SNX14: variants seen among roughly 807,000 people sequenced by gnomAD.
SNX14 encodes sorting nexin-14.
SNX14 carries 93 observed loss-of-function variants against 133.8 expected under a neutral mutation model. That is an observed-to-expected ratio of 0.70 (90% CI 0.59 to 0.83). SNX14 has a LOEUF of 0.83. Among genes scored for constraint, SNX14 ranks in the 40% least tolerant of loss-of-function variants. The pLI is 0.00. For synonymous variants in SNX14, 368 were observed against 365.6 expected, an observed-to-expected ratio of 1.01 and a Z score of -0.07; for missense variants, 945 against 1,094.9, an observed-to-expected ratio of 0.86 and a Z score of 1.93.
intron 21 of SNX14, among the ~76,000 whole-genome samples, chr6:85,524,785 GA>G (rs397885760): frequency 0.15 from 13,242 of 88,190 alleles, 975 homozygotes; most frequent in East Asian, 0.29. Flanking sequence ...TTCCATCACA[GA>G]AAAAAAAAAA....
At position 85,533,612 on chromosome 6, in the gene SNX14, A is replaced by G. The variant is rs1780945353; in HGVS notation, c.1797T>C (p.Asn599=). Residue 599 remains asparagine (N), a synonymous_variant, in exon 18 of 29, where the codon AAT becomes AAC. Transcript: ENST00000314673. ...IPVFCIDVER[N]DRRAVGHEPE... Reference sequence around the variant, plus strand: ...AAAGCTTCCTACCTGCTCTTCTATCATTTCTTTCAACATCAATACAAAACA... The same window carrying G: ...AAAGCTTCCTACCTGCTCTTCTATCGTTTCTTTCAACATCAATACAAAACA... The G allele has an allele frequency of 6.2e-7, 1 of 1,612,788 alleles. No homozygotes were observed. The highest frequency in any genetic ancestry group is 1.3e-5 in the African/African-American group (1 of 74,808).
chr6:85,585,457 G>GA, intron 1 of SNX14, among the ~76,000 whole-genome samples: 1 of 151,558 alleles, frequency 6.6e-6, no homozygotes, highest in Non-Finnish European at 1.5e-5. Flanking sequence ...AACTTGGGGG[G>GA]AAAAACAATA....
Position 85,530,149 on chromosome 6 carries a change from C to T in SNX14, c.1894+43G>A, listed in dbSNP as rs141089317. The T allele has an allele frequency of 1.7e-3, 2,129 of 1,220,808 alleles. 28 individuals carry two copies. The African/African-American group carries it at 0.027, about 15-fold the overall frequency. 75.6% of individuals were successfully genotyped at this position (1,220,808 alleles called of 1,614,324 possible). On this transcript the variant is annotated intron_variant, in intron 19 of 28. Coordinates refer to ENST00000314673, the MANE Select transcript of SNX14 (RefSeq NM_153816.6). Reference sequence around the variant, plus strand: ...TCTGGTGTCATAGTTTTAAAGAATGCTAATGCTGAAATGTAATGTTTTATC... The same window carrying T: ...TCTGGTGTCATAGTTTTAAAGAATGTTAATGCTGAAATGTAATGTTTTATC...
At chr6:85,589,017 A>G (rs1212341246) in intron 1 of SNX14, 1 of 399,872 alleles carries the variant, frequency 2.5e-6, no homozygotes, top group East Asian at 7.1e-5. Context: ...TCGACTTTAT[A>G]GAAGTACATC....
intron 1 of SNX14, among the ~76,000 whole-genome samples, chr6:85,577,878 A>T (rs1294420854): frequency 6.6e-6 from 1 of 152,248 alleles, no homozygotes; most frequent in East Asian, 1.9e-4. Flanking sequence ...AGAGGTGTCC[A>T]TTAGTTTTCA....
intron 1 of SNX14, among the ~76,000 whole-genome samples, chr6:85,578,607 G>A (rs957442468): frequency 6.6e-6 from 1 of 152,206 alleles, no homozygotes; most frequent in African/African-American, 2.4e-5. Flanking sequence ...TAGAATGGAA[G>A]GGATGGAGTT....
At chr6:85,534,046 G>A (rs1039457044) in intron 17 of SNX14, among the ~76,000 whole-genome samples, 5 of 152,156 alleles carry the variant, frequency 3.3e-5, no homozygotes, top group Admixed American at 6.5e-5. Context: ...CGGGGACAGC[G>A]CCTATAATCC....
At position 85,526,136 on chromosome 6, in the gene SNX14, A is replaced by G. The variant is rs760104267; in HGVS notation, c.2097T>C (p.Asp699=). The G allele has an allele frequency of 1.3e-6, 2 of 1,568,966 alleles. No individual in the cohort carries two copies. Among genetic ancestry groups the G allele is most frequent in the Non-Finnish European group, 1.7e-6 (2 of 1,152,462 alleles). Residue 699 remains aspartate (D), a synonymous_variant, in exon 21 of 29, where the codon GAT becomes GAC. Transcript: ENST00000314673. ...ETQFLDKILP[D]VNLGKIIKSV... is the part of the protein sequence containing the mutation. ...TTTAAATTGACTTACCAAGATTTACATCTGGTAGTATCTTATCAAGAAATT... is the reference window on the plus strand; with the variant it reads ...TTTAAATTGACTTACCAAGATTTACGTCTGGTAGTATCTTATCAAGAAATT...
intron 21 of SNX14, among the ~76,000 whole-genome samples, chr6:85,525,246 T>A (rs1361784172): frequency 3.3e-5 from 5 of 152,134 alleles, no homozygotes; most frequent in Admixed American, 6.6e-5. Flanking sequence ...ATTAATATTT[T>A]AAAAAATAGA....
intron 6 of SNX14, among the ~76,000 whole-genome samples, chr6:85,560,144 A>C (rs1791056123): frequency 6.6e-6 from 1 of 152,200 alleles, no homozygotes; most frequent in Admixed American, 6.5e-5. Flanking sequence ...GTATATACCC[A>C]AGATAAGTGA....
chr6:85,565,306 C>T, intron 6 of SNX14, 26 bp downstream of exon 6: 3 of 1,466,972 alleles, frequency 2.0e-6, no homozygotes, highest in Non-Finnish European at 2.8e-6. Context: ...CCCCAAATTC[C>T]CAAATTTCTC....
chr6:85,563,685 G>C (rs979584098), intron 6 of SNX14, among the ~76,000 whole-genome samples: 1 of 152,120 alleles, frequency 6.6e-6, no homozygotes, highest in Non-Finnish European at 1.5e-5. Context: ...GAGCCACCGC[G>C]CCTGGCTGAG....
chr6:85,590,051 C>A (rs183625244), intron 1 of SNX14, among the ~76,000 whole-genome samples: 1 of 152,300 alleles, frequency 6.6e-6, no homozygotes, highest in East Asian at 1.9e-4. Flanking sequence ...GGGGCATAGT[C>A]CAGTATCAAA....
intron 8 of SNX14, 35 bp downstream of exon 8, chr6:85,549,688 T>C (rs201923629): frequency 9.7e-5 from 153 of 1,570,592 alleles, no homozygotes; most frequent in Admixed American, 2.5e-4. Flanking sequence ...TGGCATGTTA[T>C]GCAAATACTA....
chr6:85,590,497 T>C (rs1414733076), intron 1 of SNX14, among the ~76,000 whole-genome samples: 1 of 152,232 alleles, frequency 6.6e-6, no homozygotes, highest in Non-Finnish European at 1.5e-5. Flanking sequence ...TTTAATACTT[T>C]CTCCTCAATG....
intron 24 of SNX14, 122 bp from the exon 25 acceptor site, chr6:85,514,356 A>G: frequency 7.6e-6 from 11 of 1,449,616 alleles, no homozygotes; most frequent in Non-Finnish European, 1.0e-5. Flanking sequence ...TAGCAACTTT[A>G]ATATGATCAA....
intron 26 of SNX14, 92 bp downstream of exon 26, chr6:85,513,708 C>T (rs1773760363): frequency 1.1e-6 from 1 of 892,394 alleles, no homozygotes; most frequent in South Asian, 1.7e-5. Context: ...TGAAAACTCA[C>T]AGTAAAAAAT....
chr6:85,554,877 T>C (rs949627020), intron 7 of SNX14, among the ~76,000 whole-genome samples: 4 of 152,082 alleles, frequency 2.6e-5, no homozygotes, highest in East Asian at 1.9e-4. Flanking sequence ...TGGAGTGTAA[T>C]TGGGTGATCA....
chr6:85,556,086 G>C (rs1005852679), intron 7 of SNX14, among the ~76,000 whole-genome samples: 2 of 152,092 alleles, frequency 1.3e-5, no homozygotes, highest in African/African-American at 4.8e-5. Flanking sequence ...AATGTATCAA[G>C]TAATGTAAGA....
Sources: allele counts gnomAD v4.1 joint callset (sites outside exome capture counted in the v4.1 genomes callset), GRCh38; gene constraint gnomAD v4.1.1; transcripts MANE v1.5; gene names NCBI Gene and HGNC (gene_info 2026-07-23, HGNC 2026-07-21).